PER2: variants seen among roughly 807,000 people sequenced by gnomAD.
PER2 encodes period circadian regulator 2, also known as period circadian protein homolog 2.
In PER2, 66 loss-of-function variants were observed where a neutral mutation model predicts 121.0. The observed-to-expected ratio is 0.55, with a 90% CI of 0.45 to 0.67. The LOEUF (loss-of-function observed/expected upper bound fraction) is 0.67, where lower values mean the gene tolerates loss of function less well. Ranked by LOEUF, PER2 falls within the 30% of genes least tolerant of loss-of-function variation. The pLI, the probability that PER2 is intolerant of heterozygous loss-of-function variation, is 0.00. For missense variants in PER2, 1,521 were observed against 1,635.0 expected (o/e 0.93, Z 1.20); for synonymous variants, 684 against 659.9 (o/e 1.04, Z -0.56).
chr2:238,280,348 A>C (rs545341753), intron 1 of PER2, among the ~76,000 whole-genome samples: 1 of 152,240 alleles, frequency 6.6e-6, no homozygotes, highest in Non-Finnish European at 1.5e-5. Flanking sequence ...AGCAGGGCCG[A>C]CTAGACCTCG....
At chr2:238,277,613 A>T in intron 2 of PER2, 94 bp downstream of exon 2, 1 of 1,412,236 alleles carries the variant, frequency 7.1e-7, no homozygotes, top group Admixed American at 1.8e-5. Context: ...GGTAATCATG[A>T]TTTAAAGATT....
rs375084791 is a variant in PER2 at position 238,262,315 on chromosome 2, A to G, written c.1183T>C (p.Tyr395His). 1.2e-5 allele frequency: 19 copies of G among 1,613,964 alleles called. No homozygotes were observed. The African/African-American group carries it at 2.4e-4, about 20-fold the overall frequency. ...ILQSGGQPFD[Y>H]SPIRFRARNG... ...CGGGCGCGAAACCGAATGGGAGAAT[A>G]GTCGAAAGGCTGCCCGCCTGACTGC... Residue 395 changes from tyrosine to histidine, a missense_variant, in exon 11 of 23, where the codon TAT becomes CAT. By Grantham distance (83) the Tyr-to-His change is moderately conservative. Transcript: ENST00000254657.
intron 1 of PER2, among the ~76,000 whole-genome samples, chr2:238,278,722 C>A (rs1351329574): frequency 6.6e-6 from 1 of 152,172 alleles, no homozygotes; most frequent in Non-Finnish European, 1.5e-5. Flanking sequence ...GACATGGGGA[C>A]AGACAGGGCT....
chr2:238,269,039 CACAA>C, intron 6 of PER2, 65 bp from the exon 7 acceptor site: 1 of 1,266,270 alleles, frequency 7.9e-7, no homozygotes, highest in Admixed American at 1.7e-5. Flanking sequence ...CCTCATTTCT[CACAA>C]ACAAAAGAGG....
chr2:238,285,973 T>C (rs1213197105), intron 1 of PER2, among the ~76,000 whole-genome samples: 2 of 152,136 alleles, frequency 1.3e-5, no homozygotes, highest in African/African-American at 2.4e-5. Flanking sequence ...GCACTCTCCA[T>C]GGCAACGGTT....
At chr2:238,266,882 C>CA (rs71402778) in intron 8 of PER2, among the ~76,000 whole-genome samples, 14,682 of 149,778 alleles carry the variant, frequency 0.098, 759 homozygotes, top group South Asian at 0.13. Context: ...TACTAAAATA[C>CA]AAAAAAAAAG....
At position 238,257,911 on chromosome 2, in the gene PER2, G is replaced by A. The variant is rs181386612; in HGVS notation, c.1900+365C>T. On this transcript the variant is annotated intron_variant, in intron 16 of 22. Transcript: ENST00000254657. Reference sequence around the variant, plus strand: ...CCCTCTGAGACACACTGGAAAGAGGGCCTGCCCTAGACTGACAACTTGAGA... The same window carrying A: ...CCCTCTGAGACACACTGGAAAGAGGACCTGCCCTAGACTGACAACTTGAGA... Among the ~76,000 whole-genome samples, 214 of 152,380 alleles carry A rather than the reference G, an allele frequency of 1.4e-3. 1 individual carries two copies. The highest frequency in any genetic ancestry group is 2.4e-3 in the Non-Finnish European group (166 of 68,040).
intron 11 of PER2, among the ~76,000 whole-genome samples, 162 bp from the exon 12 acceptor site, chr2:238,261,999 G>A (rs1202104847): frequency 2.6e-5 from 4 of 152,050 alleles, no homozygotes; most frequent in Non-Finnish European, 4.4e-5. Context: ...CTTGAATGAG[G>A]TCCCTCCCAC....
At chr2:238,265,972 C>T (rs1365692457) in intron 8 of PER2, among the ~76,000 whole-genome samples, 1 of 151,228 alleles carries the variant, frequency 6.6e-6, no homozygotes, top group Non-Finnish European at 1.5e-5. Flanking sequence ...GGCACGATCT[C>T]GGCTCATTGC....
At chr2:238,277,459 C>T (rs1696489102) in intron 2 of PER2, among the ~76,000 whole-genome samples, 1 of 152,180 alleles carries the variant, frequency 6.6e-6, no homozygotes, top group African/African-American at 2.4e-5. Flanking sequence ...GCTGGGTTAC[C>T]CACCACTGCT....
At chr2:238,261,974 C>T in intron 11 of PER2, 137 bp from the exon 12 acceptor site, 3 of 734,680 alleles carry the variant, frequency 4.1e-6, no homozygotes, top group African/African-American at 1.7e-5. Flanking sequence ...TGCTGCCTGT[C>T]CACTCCCTAC....
chr2:238,294,180 G>GCCA (rs980513982), upstream of PER2, among the ~76,000 whole-genome samples: 2 of 152,212 alleles, frequency 1.3e-5, no homozygotes, highest in African/African-American at 4.8e-5. Context: ...GGCCTTCTGG[G>GCCA]CCACGGACCT....
chr2:238,267,992 C>CT, intron 8 of PER2, 64 bp downstream of exon 8: 1 of 1,579,558 alleles, frequency 6.3e-7, no homozygotes, highest in South Asian at 1.1e-5. Flanking sequence ...TATGTGTGAA[C>CT]CACAGGAGTA....
intron 1 of PER2, among the ~76,000 whole-genome samples, chr2:238,279,761 G>A (rs772581809): frequency 2.6e-5 from 4 of 152,176 alleles, no homozygotes; most frequent in African/African-American, 7.2e-5. Flanking sequence ...ACAATTGGTC[G>A]GGGGGAGGGA....
At position 238,252,289 on chromosome 2, in the gene PER2, C is replaced by A. The variant is rs76731390; in HGVS notation, c.3112-528G>T. On this transcript the variant is annotated intron_variant, in intron 19 of 22. Transcript: ENST00000254657. This position sits in a 1 kb window ranked among gnomAD's most constrained non-coding sequence, Gnocchi z 4.2. ...ATCTACATGCTTGCACTTCCTCACC[C>A]GGGAGCCCTAGGTCCTCTGGCCAAG... Among the ~76,000 whole-genome samples, 1 of 152,230 alleles carries A rather than the reference C, an allele frequency of 6.6e-6. No homozygotes were observed. Among genetic ancestry groups the A allele is most frequent in the Non-Finnish European group, 1.5e-5 (1 of 68,038 alleles).
intron 13 of PER2, 78 bp downstream of exon 13, chr2:238,260,750 G>T (rs903018631): frequency 7.8e-6 from 12 of 1,544,038 alleles, no homozygotes; most frequent in Non-Finnish European, 1.1e-5. Flanking sequence ...ACTGCCAAAG[G>T]TTGTCTTGAG....
intron 1 of PER2, among the ~76,000 whole-genome samples, chr2:238,278,173 G>C (rs1002964784): frequency 6.6e-6 from 1 of 152,036 alleles, no homozygotes; most frequent in East Asian, 1.9e-4. Flanking sequence ...GGGCTCAAGC[G>C]ATCCTCCCAC....
intron 1 of PER2, among the ~76,000 whole-genome samples, chr2:238,282,888 C>T (rs577000267): frequency 1.8e-4 from 27 of 152,342 alleles, no homozygotes; most frequent in African/African-American, 4.3e-4. Context: ...ACCTTGCGCA[C>T]GAGCCCTCGT....
At chr2:238,284,322 G>A (rs1321483650) in intron 1 of PER2, among the ~76,000 whole-genome samples, 2 of 151,798 alleles carry the variant, frequency 1.3e-5, no homozygotes, top group African/African-American at 4.8e-5. Context: ...TGTGCCTGTA[G>A]TCCCAGCTAC....
Sources: gnomAD v4.1 joint callset for allele counts (sites outside exome capture counted in the v4.1 genomes callset) on GRCh38, gnomAD v4.1.1 for gene constraint, Gnocchi (gnomAD v3.1) non-coding constraint, MANE v1.5 for transcripts, NCBI Gene and HGNC (gene_info 2026-07-23, HGNC 2026-07-21) for gene names.